The following STXBP4 variants were observed in gnomAD, a reference collection of about 807,000 sequenced individuals.
STXBP4 encodes the protein syntaxin-binding protein 4.
STXBP4 carries 55 observed loss-of-function variants against 76.1 expected under a neutral mutation model. The observed-to-expected ratio is 0.72, with a 90% CI of 0.58 to 0.91. The LOEUF is 0.91. STXBP4 is among the 40% of genes least tolerant of loss of function. The pLI, the probability that STXBP4 is intolerant of heterozygous loss-of-function variation, is 0.00. For synonymous variants in STXBP4, 201 were observed against 220.2 expected, an observed-to-expected ratio of 0.91 and a Z score of 0.77; for missense variants, 618 against 636.9, an observed-to-expected ratio of 0.97 and a Z score of 0.32.
chr17:55,141,457 CCTT>C (rs1226175560), intron 17 of STXBP4, 90 bp downstream of exon 17: 3 of 1,154,544 alleles, frequency 2.6e-6, no homozygotes, highest in Non-Finnish European at 3.7e-6. Context: ...AACTAAGAAA[CCTT>C]CTTGGAGGTT....
the STXBP4 span, among the ~76,000 whole-genome samples, chr17:55,198,585 TTTTG>T: frequency 6.6e-6 from 1 of 152,316 alleles, no homozygotes; most frequent in South Asian, 2.1e-4. Context: ...ACCCATGATT[TTTTG>T]TTTATCGTAA....
intron 16 of STXBP4, among the ~76,000 whole-genome samples, chr17:55,091,887 AATGAATTGT>A (rs2079419672): frequency 6.6e-6 from 1 of 152,208 alleles, no homozygotes; most frequent in Non-Finnish European, 1.5e-5. Flanking sequence ...TTATGAAACA[AATGAATTGT>A]ATGTTGTAGT....
chr17:55,067,433 C>G (rs1408096206), intron 12 of STXBP4, among the ~76,000 whole-genome samples: 1 of 151,976 alleles, frequency 6.6e-6, no homozygotes, highest in Non-Finnish European at 1.5e-5. Context: ...AATATATATA[C>G]CTAGAGGATT....
downstream of STXBP4, among the ~76,000 whole-genome samples, chr17:55,174,824 C>T (rs2080423171): frequency 6.6e-6 from 1 of 152,136 alleles, no homozygotes; most frequent in South Asian, 2.1e-4. Flanking sequence ...ACAATTCACT[C>T]CATTCCTATA....
At chr17:55,056,524 TAAG>T (rs2078924969) in intron 12 of STXBP4, among the ~76,000 whole-genome samples, 1 of 152,214 alleles carries the variant, frequency 6.6e-6, no homozygotes, top group Admixed American at 6.5e-5. Context: ...TTTTATTTTC[TAAG>T]AAGAATTTGT....
At chr17:55,211,799 GTTTTTT>G in the STXBP4 span, among the ~76,000 whole-genome samples, 1 of 48,980 alleles carries the variant, frequency 2.0e-5, no homozygotes, top group African/African-American at 6.1e-5. Context: ...GTTTTTTGTT[GTTTTTT>G]TTTTTTTTTT....
chr17:55,086,736 G>T (rs1177540443), intron 16 of STXBP4, among the ~76,000 whole-genome samples: 1 of 152,110 alleles, frequency 6.6e-6, no homozygotes, highest in Non-Finnish European at 1.5e-5. Flanking sequence ...CACATGGCAG[G>T]ATGTCTCTTC....
Position 55,170,674 on chromosome 17 carries a change from A to G in STXBP4, c.*10763A>G, listed in dbSNP as rs1023147550. 6.6e-6 allele frequency: 1 copy of G among 152,238 alleles called. No individual in the cohort carries two copies. The highest frequency in any genetic ancestry group is 1.9e-4 in the East Asian group (1 of 5,204). The allele number at this position is 152,238 out of a possible 1,614,324, so 9.4% of individuals were successfully genotyped here. On this transcript the variant is annotated 3_prime_UTR_variant, in exon 18 of 18. Coordinates refer to ENST00000376352, the MANE Select transcript of STXBP4 (RefSeq NM_178509.6). ...ATTTGTAGTGTTGTAGGGACTGGAAAGATCAGAGATTATGTTATGGCCATG... is the reference window on the plus strand; with the variant it reads ...ATTTGTAGTGTTGTAGGGACTGGAAGGATCAGAGATTATGTTATGGCCATG...
At position 55,134,143 on chromosome 17, in the gene STXBP4, G is replaced by A. The variant is rs371593224; in HGVS notation, c.1490-7167G>A. 4.6e-5 allele frequency among the ~76,000 whole-genome samples: 7 copies of A among 152,180 alleles called. No homozygotes were observed. In the East Asian group the frequency reaches 9.7e-4, roughly 21 times the overall value. ...AGTAAGTAAGATGGGAGGATTGCAT[G>A]AGGTATGACCACAGAGAAAAGCGGA... On this transcript the variant is annotated intron_variant, in intron 16 of 17. Transcript: ENST00000376352.
chr17:55,090,855 CTG>C (rs57750914), intron 16 of STXBP4, among the ~76,000 whole-genome samples: 23,832 of 147,106 alleles, frequency 0.16, 2,028 homozygotes, highest in Non-Finnish European at 0.21. Context: ...GTGTGTGTGT[CTG>C]TGTGTGTGTG....
intron 7 of STXBP4, among the ~76,000 whole-genome samples, chr17:55,004,486 G>C (rs1231966603): frequency 6.6e-6 from 1 of 152,112 alleles, no homozygotes; most frequent in Non-Finnish European, 1.5e-5. Flanking sequence ...AGGATCATTT[G>C]AGCCCAGGGA....
intron 6 of STXBP4, among the ~76,000 whole-genome samples, chr17:55,000,512 A>G (rs2077892909): frequency 6.6e-6 from 1 of 152,220 alleles, no homozygotes; most frequent in Admixed American, 6.5e-5. Context: ...GAACAGAGAC[A>G]GAGTATAAGA....
At chr17:55,108,095 C>T (rs1327773298) in intron 16 of STXBP4, among the ~76,000 whole-genome samples, 1 of 152,220 alleles carries the variant, frequency 6.6e-6, no homozygotes, top group Non-Finnish European at 1.5e-5. Flanking sequence ...GGGCTGCTGC[C>T]TTTCTTTCAG....
intron 16 of STXBP4, among the ~76,000 whole-genome samples, chr17:55,095,989 A>T (rs1288096629): frequency 6.6e-6 from 1 of 152,142 alleles, no homozygotes; most frequent in East Asian, 1.9e-4. Context: ...GTTATAATTG[A>T]TGGCACCTTA....
intron 16 of STXBP4, among the ~76,000 whole-genome samples, chr17:55,139,552 A>G (rs1279118156): frequency 6.6e-6 from 1 of 152,156 alleles, no homozygotes; most frequent in African/African-American, 2.4e-5. Flanking sequence ...TGATGAATGA[A>G]GTAATCTATA....
At chr17:55,010,858 A>G (rs2078097907) in intron 8 of STXBP4, among the ~76,000 whole-genome samples, 1 of 152,222 alleles carries the variant, frequency 6.6e-6, no homozygotes, top group African/African-American at 2.4e-5. Flanking sequence ...CAGACATCAG[A>G]AAAACTTCAG....
intron 3 of STXBP4, among the ~76,000 whole-genome samples, chr17:54,989,088 A>G (rs898828004): frequency 1.3e-5 from 2 of 152,246 alleles, no homozygotes; most frequent in African/African-American, 4.8e-5. Context: ...TCTAAAAACT[A>G]TAATCATGTA....
chr17:55,043,771 G>A, intron 11 of STXBP4: 2 of 859,946 alleles, frequency 2.3e-6, no homozygotes, highest in South Asian at 2.0e-5. Flanking sequence ...ATTTTAGAGA[G>A]GAAAAAAACA....
At chr17:55,096,061 A>G (rs1266040991) in intron 16 of STXBP4, among the ~76,000 whole-genome samples, 1 of 152,206 alleles carries the variant, frequency 6.6e-6, no homozygotes, top group Non-Finnish European at 1.5e-5. Flanking sequence ...GTCAGGGTAC[A>G]GTCTTCATAT....
Sources: allele counts gnomAD v4.1 joint callset (sites outside exome capture counted in the v4.1 genomes callset), GRCh38; gene constraint gnomAD v4.1.1; transcripts MANE v1.5; gene names NCBI Gene and HGNC (gene_info 2026-07-23, HGNC 2026-07-21).